IRGM: variants seen among roughly 807,000 people sequenced by gnomAD.
The protein encoded by IRGM is immunity related GTPase M, also known as immunity-related GTPase family M protein.
For missense variants in IRGM, 288 were observed against 219.9 expected (o/e 1.31, Z -1.96); for synonymous variants, 98 against 80.6 (o/e 1.22, Z -1.16).
chr5:150,859,265 C>G (rs1335457651), intron 1 of IRGM, among the ~76,000 whole-genome samples: 3 of 152,144 alleles, frequency 2.0e-5, no homozygotes, highest in African/African-American at 4.8e-5. Flanking sequence ...CCTTGCATCC[C>G]AGGGATGAAG....
At chr5:150,857,119 C>A (rs1207874025) in intron 1 of IRGM, among the ~76,000 whole-genome samples, 1 of 151,464 alleles carries the variant, frequency 6.6e-6, no homozygotes, top group African/African-American at 2.4e-5. Flanking sequence ...GTGTGATGTT[C>A]CCCTTCCTGT....
intron 3 of IRGM, chr5:150,898,235 A>C (rs773055406): frequency 1.1e-5 from 18 of 1,607,700 alleles, no homozygotes; most frequent in Non-Finnish European, 1.5e-5. Flanking sequence ...TGAAGGAAAA[A>C]GAGAAGGTGC....
chr5:150,859,317 G>T (rs12656307), intron 1 of IRGM, among the ~76,000 whole-genome samples: 1 of 152,136 alleles, frequency 6.6e-6, no homozygotes, highest in Non-Finnish European at 1.5e-5. Flanking sequence ...TGTGCTGCTG[G>T]ATTCGGTGTG....
chr5:150,850,374 C>A (rs577042430), downstream of IRGM, among the ~76,000 whole-genome samples: 3 of 152,146 alleles, frequency 2.0e-5, no homozygotes, highest in East Asian at 5.8e-4. Flanking sequence ...TGATATAGAA[C>A]AATTACCAAC....
chr5:150,848,749 A>G (rs776681332), downstream of IRGM: 17 of 1,014,212 alleles, frequency 1.7e-5, no homozygotes, highest in African/African-American at 4.9e-5. Context: ...ATTGAAACAC[A>G]CCTGGTGCAG....
At chr5:150,849,952 A>T (rs149759745), downstream of IRGM, among the ~76,000 whole-genome samples, 8 of 152,320 alleles carry the variant, frequency 5.3e-5, no homozygotes, top group Non-Finnish European at 1.0e-4. Context: ...TACAGAAACT[A>T]TGCAAGAAAA....
At chr5:150,880,481 G>A (rs1400001824) in intron 3 of IRGM, among the ~76,000 whole-genome samples, 2 of 152,086 alleles carry the variant, frequency 1.3e-5, no homozygotes, top group Non-Finnish European at 2.9e-5. Context: ...ACCTTCTCAG[G>A]AACCACACAC....
rs931603916 is a variant in IRGM, at chr5:150,846,634, A to G, written c.-1002A>G. The G allele has an allele frequency of 1.4e-5, 2 of 138,412 alleles. No individual in the cohort carries two copies. Among genetic ancestry groups the G allele is most frequent in the Non-Finnish European group, 3.0e-5 (2 of 66,230 alleles). The allele number at this position is 138,412 out of a possible 1,614,324, so 8.6% of individuals were successfully genotyped here. A position where few individuals can be genotyped will look rare whatever the true frequency, so the allele number is the denominator to read the frequency against. ...CCACACTGCCTTTATGAGCTGTAAC[A>G]CTCACCGTGAAGGTCTGCAGCATCA... is the stretch of plus-strand genomic sequence containing the variant. On this transcript the variant is annotated 5_prime_UTR_variant, in exon 1 of 2. Transcript: ENST00000522154.
chr5:150,894,912 G>A (rs1754701427), intron 3 of IRGM: 1 of 152,384 alleles, frequency 6.6e-6, no homozygotes, highest in South Asian at 2.1e-4. Flanking sequence ...AATGCATACA[G>A]ATCAACTTTA....
At chr5:150,878,800 A>G (rs1390369741) in intron 2 of IRGM, among the ~76,000 whole-genome samples, 1 of 151,582 alleles carries the variant, frequency 6.6e-6, no homozygotes, top group Non-Finnish European at 1.5e-5. Context: ...TATTATTTAA[A>G]ATTTGTTATG....
intron 3 of IRGM, among the ~76,000 whole-genome samples, chr5:150,893,991 T>C (rs1754665557): frequency 6.6e-6 from 1 of 152,014 alleles, no homozygotes; most frequent in African/African-American, 2.4e-5. Flanking sequence ...TCTTTAATTC[T>C]CAGTTCCCAC....
intron 3 of IRGM, chr5:150,896,158 C>T (rs778945218): frequency 1.9e-6 from 3 of 1,613,308 alleles, no homozygotes; most frequent in East Asian, 4.5e-5. Context: ...TGGGAGAAGG[C>T]TTTCCCGCAT....
chr5:150,895,123 GATTAT>G (rs1754707350), intron 3 of IRGM: 1 of 249,134 alleles, frequency 4.0e-6, no homozygotes, highest in South Asian at 1.6e-4. Flanking sequence ...CACAATGGCT[GATTAT>G]CATTTTGTAG....
At chr5:150,875,203 C>T (rs1754346265) in intron 1 of IRGM, among the ~76,000 whole-genome samples, 1 of 152,204 alleles carries the variant, frequency 6.6e-6, no homozygotes, top group Non-Finnish European at 1.5e-5. Context: ...GTGCCTGGTT[C>T]ACAGATGGTT....
chr5:150,856,138 TAAA>T (rs1168119160), intron 1 of IRGM, among the ~76,000 whole-genome samples: 6 of 152,088 alleles, frequency 3.9e-5, no homozygotes, highest in Non-Finnish European at 8.8e-5. Flanking sequence ...ATTTAAAAAA[TAAA>T]ATGTATCAAG....
intron 3 of IRGM, among the ~76,000 whole-genome samples, chr5:150,881,176 GC>G (rs1754440142): frequency 6.6e-6 from 1 of 151,360 alleles, no homozygotes; most frequent in African/African-American, 2.4e-5. Flanking sequence ...GTATGGGAAG[GC>G]CAAAGGTCTC....
intron 1 of IRGM, among the ~76,000 whole-genome samples, chr5:150,870,704 G>GT (rs1754270918): frequency 6.6e-6 from 1 of 151,972 alleles, no homozygotes; most frequent in African/African-American, 2.4e-5. Context: ...TCCTAGGTAG[G>GT]TAACTAAGTT....
downstream of IRGM, among the ~76,000 whole-genome samples, chr5:150,851,602 G>A (rs1192031936): frequency 6.6e-6 from 1 of 152,122 alleles, no homozygotes; most frequent in Non-Finnish European, 1.5e-5. Context: ...AATATAAAGG[G>A]CCATTGAATC....
At chr5:150,874,936 G>A (rs1392592382) in intron 1 of IRGM, among the ~76,000 whole-genome samples, 1 of 152,194 alleles carries the variant, frequency 6.6e-6, no homozygotes, top group Admixed American at 6.5e-5. Context: ...AACCTGAACT[G>A]TCTATCATGA....
Sources: gnomAD v4.1 joint callset for allele counts (sites outside exome capture counted in the v4.1 genomes callset) on GRCh38, gnomAD v4.1.1 for gene constraint, MANE v1.5 for transcripts, NCBI Gene and HGNC (gene_info 2026-07-23, HGNC 2026-07-21) for gene names.